Variants in CAB39 observed in about 807,000 individuals in gnomAD.
CAB39 encodes calcium binding protein 39, also known as calcium-binding protein 39.
CAB39 carries 8 observed loss-of-function variants against 40.0 expected under a neutral mutation model. That is an observed-to-expected ratio of 0.20 (90% CI 0.12 to 0.36). The LOEUF (loss-of-function observed/expected upper bound fraction) is 0.36. CAB39 is among the 10% of genes least tolerant of loss of function. The probability of loss-of-function intolerance (pLI) is 1.00; values close to 1 mark genes in which losing one functional copy is unlikely to be tolerated. For synonymous variants in CAB39, 156 were observed against 141.6 expected (o/e 1.10, Z -0.72); for missense variants, 270 against 401.1 (o/e 0.67, Z 2.79).
chr2:230,751,699 G>A (rs1268797752), intron 1 of CAB39, among the ~76,000 whole-genome samples: 1 of 152,132 alleles, frequency 6.6e-6, no homozygotes, highest in East Asian at 1.9e-4. Flanking sequence ...ATAGAGCAGT[G>A]ATTTGATGTC....
chr2:230,804,742 AAAC>A (rs1210497729), intron 5 of CAB39, among the ~76,000 whole-genome samples: 1 of 152,210 alleles, frequency 6.6e-6, no homozygotes, highest in Non-Finnish European at 1.5e-5. Context: ...AAAAGTCAGG[AAAC>A]AACAGGTGCT....
intron 1 of CAB39, among the ~76,000 whole-genome samples, chr2:230,731,410 A>G (rs1436777774): frequency 6.6e-6 from 1 of 152,224 alleles, no homozygotes; most frequent in Non-Finnish European, 1.5e-5. Context: ...TCTTACTACA[A>G]GTGATCTTCG....
rs118039578 is a variant in CAB39, at chr2:230,794,880, G to A, written c.398+1549G>A. Among the ~76,000 whole-genome samples, 15 of 152,256 alleles carry A rather than the reference G, an allele frequency of 9.9e-5. No individual in the cohort carries two copies. The East Asian group carries it at 2.7e-3, about 27-fold the overall frequency. On this transcript the variant is annotated intron_variant, in intron 4 of 8. Coordinates refer to ENST00000258418, the MANE Select transcript of CAB39 (RefSeq NM_016289.4). ...TCCCTAGTACGCATTACAAAACACA[G>A]TATAACACAGTTACGTTACCATTTG...
chr2:230,800,313 A>G (rs1696066717), intron 5 of CAB39, among the ~76,000 whole-genome samples: 1 of 152,190 alleles, frequency 6.6e-6, no homozygotes, highest in Non-Finnish European at 1.5e-5. Flanking sequence ...TAAGGCCCCC[A>G]GGGATTTATT....
Position 230,795,537 on chromosome 2 carries a change from A to G in CAB39, c.398+2206A>G, listed in dbSNP as rs79197985. 8.4e-3 allele frequency among the ~76,000 whole-genome samples: 1,275 copies of G among 152,210 alleles called. 9 individuals carry two copies. Among genetic ancestry groups the G allele is most frequent in the African/African-American group, 0.024 (994 of 41,520 alleles). On this transcript the variant is annotated intron_variant, in intron 4 of 8. Transcript: ENST00000258418. ...ATTCGGATTCACTTTGAGGGGGGCAAAAGTTCATGGATGGTGCTGTGTGCT... is the reference window on the plus strand; with the variant it reads ...ATTCGGATTCACTTTGAGGGGGGCAGAAGTTCATGGATGGTGCTGTGTGCT...
At chr2:230,784,129 A>T (rs1695746426) in intron 2 of CAB39, among the ~76,000 whole-genome samples, 1 of 152,128 alleles carries the variant, frequency 6.6e-6, no homozygotes, top group Admixed American at 6.5e-5. Context: ...GGATAAATGG[A>T]TGGATTTGGG....
At chr2:230,763,184 G>A (rs1695325597) in intron 2 of CAB39, among the ~76,000 whole-genome samples, 1 of 152,160 alleles carries the variant, frequency 6.6e-6, no homozygotes, top group African/African-American at 2.4e-5. Context: ...GTGTAGCATT[G>A]TTTTAAGTTT....
chr2:230,740,428 G>C (rs1694855974), intron 1 of CAB39, among the ~76,000 whole-genome samples: 1 of 152,198 alleles, frequency 6.6e-6, no homozygotes, highest in South Asian at 2.1e-4. Flanking sequence ...GTCTAAATCA[G>C]AAGGAATTGA....
intron 1 of CAB39, among the ~76,000 whole-genome samples, chr2:230,749,788 A>G (rs1297212193): frequency 6.6e-6 from 1 of 152,222 alleles, no homozygotes; most frequent in African/African-American, 2.4e-5. Flanking sequence ...TTAGAGAAGC[A>G]ATAGATTATG....
At position 230,817,770 on chromosome 2, in the gene CAB39, T is replaced by A; in HGVS notation, c.710T>A (p.Leu237Gln). 6.2e-7 allele frequency: 1 copy of A among 1,606,628 alleles called. No homozygotes were observed. ...RQSLKLLGEL[L>Q]LDRHNFTIMT... ...TCTTCTCAGCTTCTCGGTGAACTAC[T>A]ACTAGATAGACACAACTTCACAATT... The change falls in exon 8 of 9, where the codon CTA becomes CAA. Residue 237 changes from leucine to glutamine, a missense_variant. Leu to Gln is a moderately radical substitution (Grantham distance 113, BLOSUM62 -2). Coordinates refer to ENST00000258418, the MANE Select transcript of CAB39 (RefSeq NM_016289.4).
At chr2:230,725,001 G>A in intron 1 of CAB39, 1 of 1,038,040 alleles carries the variant, frequency 9.6e-7, no homozygotes, top group Non-Finnish European at 1.4e-6. Context: ...GGTTAGGGGA[G>A]AAAACTCCCA....
chr2:230,767,253 T>A (rs1267225777), intron 2 of CAB39, among the ~76,000 whole-genome samples: 1 of 152,184 alleles, frequency 6.6e-6, no homozygotes, highest in African/African-American at 2.4e-5. Context: ...ATCCTTTCCG[T>A]TTTTCAGGCC....
At chr2:230,811,933 G>A (rs894327320) in intron 6 of CAB39, among the ~76,000 whole-genome samples, 7 of 152,148 alleles carry the variant, frequency 4.6e-5, no homozygotes, top group Admixed American at 1.3e-4. Flanking sequence ...CAGTTAACAG[G>A]ATTTTAGAAG....
intron 1 of CAB39, among the ~76,000 whole-genome samples, chr2:230,719,097 G>C (rs1041845936): frequency 6.6e-6 from 1 of 152,172 alleles, no homozygotes; most frequent in Admixed American, 6.5e-5. Flanking sequence ...GCTGGCAAGT[G>C]ATTTGGGAGG....
intron 5 of CAB39, among the ~76,000 whole-genome samples, chr2:230,806,581 A>AT (rs1553677859): frequency 6.6e-6 from 1 of 152,194 alleles, no homozygotes; most frequent in Non-Finnish European, 1.5e-5. Flanking sequence ...AACTGGAAGT[A>AT]TTTAGCCTGG....
chr2:230,734,692 C>T (rs1035603288), intron 1 of CAB39, among the ~76,000 whole-genome samples: 3 of 152,246 alleles, frequency 2.0e-5, no homozygotes, highest in African/African-American at 7.2e-5. Flanking sequence ...GTCCTTTAGT[C>T]CTCATGTTAG....
chr2:230,744,357 G>A (rs528002630), intron 1 of CAB39, among the ~76,000 whole-genome samples: 8 of 152,196 alleles, frequency 5.3e-5, no homozygotes, highest in Admixed American at 3.9e-4. Context: ...GCAGTGGCAC[G>A]ATCTCGGCTC....
At chr2:230,737,396 C>T (rs1408523642) in intron 1 of CAB39, among the ~76,000 whole-genome samples, 2 of 152,148 alleles carry the variant, frequency 1.3e-5, no homozygotes, top group Non-Finnish European at 2.9e-5. Context: ...TCTCAGGACA[C>T]CTGCAGAAAA....
intron 4 of CAB39, among the ~76,000 whole-genome samples, chr2:230,794,463 T>C (rs1314819982): frequency 3.3e-5 from 5 of 152,218 alleles, no homozygotes; most frequent in Non-Finnish European, 5.9e-5. Flanking sequence ...TATTTCCTTT[T>C]CCATAGAAAC....
Sources: gnomAD v4.1 joint callset for allele counts (sites outside exome capture counted in the v4.1 genomes callset) on GRCh38, gnomAD v4.1.1 for gene constraint, MANE v1.5 for transcripts, NCBI Gene and HGNC (gene_info 2026-07-23, HGNC 2026-07-21) for gene names.